The following HYCC1 variants were observed in gnomAD, a reference collection of about 807,000 sequenced individuals.
The protein encoded by HYCC1 is hyccin.
the HYCC1 span, among the ~76,000 whole-genome samples, chr7:22,896,847 G>T: frequency 2.0e-5 from 3 of 152,170 alleles, no homozygotes; most frequent in African/African-American, 7.2e-5. Context: ...AGACACTCAA[G>T]AAATATTTAC....
At chr7:22,985,068 T>C in the HYCC1 span, among the ~76,000 whole-genome samples, 1 of 152,192 alleles carries the variant, frequency 6.6e-6, no homozygotes, top group East Asian at 1.9e-4. Context: ...CAGCGATATC[T>C]GTTTCCTAAG....
chr7:22,959,631 AAAGAC>A, the HYCC1 span, among the ~76,000 whole-genome samples: 1 of 152,150 alleles, frequency 6.6e-6, no homozygotes, highest in South Asian at 2.1e-4. Context: ...CAATAAATTA[AAAGAC>A]AAGGGAGGGA....
chr7:22,901,104 C>T, the HYCC1 span, among the ~76,000 whole-genome samples: 1 of 150,222 alleles, frequency 6.7e-6, no homozygotes, highest in Non-Finnish European at 1.5e-5. Context: ...GCCTGTAGTC[C>T]CAGCTATTTG....
chr7:22,943,473 C>G, the HYCC1 span: 20 of 152,256 alleles, frequency 1.3e-4, no homozygotes, highest in African/African-American at 4.8e-4. Flanking sequence ...ATCCTACTTA[C>G]TGGTCCTCAG....
chr7:22,937,506 T>C, the HYCC1 span: 3 of 152,200 alleles, frequency 2.0e-5, no homozygotes, highest in African/African-American at 7.2e-5. Flanking sequence ...TCTCAAAACA[T>C]TTTTATGCAG....
chr7:23,013,859 A>G, the HYCC1 span: 1 of 449,306 alleles, frequency 2.2e-6, no homozygotes, highest in Non-Finnish European at 4.5e-6. Context: ...CTCCTCCCTG[A>G]CAAAAAAAAG....
chr7:22,976,397 A>G, the HYCC1 span: 3 of 888,574 alleles, frequency 3.4e-6, no homozygotes. Context: ...GGAGAGATAC[A>G]ATGTTACAGA....
chr7:22,947,069 C>T, the HYCC1 span: 1 of 1,550,390 alleles, frequency 6.4e-7, no homozygotes, highest in Non-Finnish European at 8.7e-7. Flanking sequence ...AGCCTTTGCT[C>T]TCAGTTCTAG....
chr7:22,937,387 T>C, the HYCC1 span: 1 of 152,200 alleles, frequency 6.6e-6, no homozygotes, highest in African/African-American at 2.4e-5. Context: ...ATACCATTCA[T>C]ATTCACCACA....
the HYCC1 span, among the ~76,000 whole-genome samples, chr7:22,931,663 T>A: frequency 6.6e-6 from 1 of 151,906 alleles, no homozygotes; most frequent in African/African-American, 2.4e-5. Context: ...TCACTTTAGG[T>A]AACACATATG....
chr7:22,909,754 C>A, the HYCC1 span, among the ~76,000 whole-genome samples: 2 of 152,178 alleles, frequency 1.3e-5, no homozygotes, highest in Non-Finnish European at 2.9e-5. Flanking sequence ...CTCTCCCTTA[C>A]TCACCTGGCA....
the HYCC1 span, chr7:22,937,357 T>C: frequency 6.6e-6 from 1 of 152,208 alleles, no homozygotes; most frequent in African/African-American, 2.4e-5. Flanking sequence ...CTTTCCTACG[T>C]TGTTTTCTGA....
chr7:22,916,537 T>C, the HYCC1 span, among the ~76,000 whole-genome samples: 3 of 152,224 alleles, frequency 2.0e-5, no homozygotes, highest in Non-Finnish European at 2.9e-5. Flanking sequence ...CCACATCCTG[T>C]AGCCTTTCTG....
the HYCC1 span, among the ~76,000 whole-genome samples, chr7:22,962,324 C>T: frequency 6.6e-6 from 1 of 152,236 alleles, no homozygotes; most frequent in East Asian, 1.9e-4. Flanking sequence ...GAGCCTGTAT[C>T]CACCACAGGC....
the HYCC1 span, among the ~76,000 whole-genome samples, chr7:22,991,396 A>G: frequency 5.9e-5 from 9 of 152,274 alleles, 1 homozygote; most frequent in East Asian, 1.7e-3. Flanking sequence ...TGCCAGCTGC[A>G]AAACATATTG....
chr7:22,972,532 C>T, the HYCC1 span, among the ~76,000 whole-genome samples: 1 of 152,134 alleles, frequency 6.6e-6, no homozygotes, highest in Non-Finnish European at 1.5e-5. Context: ...GAAGATAAGC[C>T]ATTTGTTAAA....
At chr7:22,912,049 A>G in the HYCC1 span, among the ~76,000 whole-genome samples, 1 of 152,234 alleles carries the variant, frequency 6.6e-6, no homozygotes, top group Admixed American at 6.5e-5. Flanking sequence ...TCTAAACTTA[A>G]GTAGTTTCCA....
At chr7:22,978,438 G>A in the HYCC1 span, 1 of 1,613,686 alleles carries the variant, frequency 6.2e-7, no homozygotes, top group Non-Finnish European at 8.5e-7. Flanking sequence ...GTGACAGACA[G>A]GTTCTAGCAA....
At chr7:22,970,215 C>T in the HYCC1 span, among the ~76,000 whole-genome samples, 8 of 152,236 alleles carry the variant, frequency 5.3e-5, no homozygotes, top group East Asian at 1.9e-4. Flanking sequence ...TGAAATTAAA[C>T]GTTTATTCAG....
Sources: allele counts gnomAD v4.1 joint callset (sites outside exome capture counted in the v4.1 genomes callset), GRCh38; gene constraint gnomAD v4.1.1; transcripts MANE v1.5; gene names NCBI Gene and HGNC (gene_info 2026-07-23, HGNC 2026-07-21).